PGM3: variants seen among roughly 807,000 people sequenced by gnomAD.
PGM3 encodes the protein phosphoacetylglucosamine mutase.
A neutral mutation model predicts 66.2 loss-of-function variants in PGM3; 40 were observed. The ratio of observed to expected loss-of-function variants is 0.60; its 90% CI spans 0.47 to 0.79. The LOEUF is 0.79. PGM3 is among the 30% of genes least tolerant of loss of function. The pLI is 0.00. For synonymous variants in PGM3, 191 were observed against 224.2 expected, an observed-to-expected ratio of 0.85 and a Z score of 1.32; for missense variants, 537 against 643.4, an observed-to-expected ratio of 0.83 and a Z score of 1.79.
chr6:83,160,648 G>A (rs889991116), downstream of PGM3, among the ~76,000 whole-genome samples: 2 of 152,038 alleles, frequency 1.3e-5, no homozygotes, highest in African/African-American at 4.8e-5. Flanking sequence ...AAAAGAATAG[G>A]GGAAAAGTTG....
chr6:83,190,884 T>A lies in PGM3; in HGVS notation c.129A>T (p.Gly43=). ...GTTTTGACCTCAGGACAGCTAATAA[T>A]CCCATGCGAAACATGACATGATCAA... ...EHLDHVMFRM[G]LLAVLRSKQT... Residue 43 remains glycine (G), a synonymous_variant, in exon 2 of 13, where the codon GGA becomes GGT. Transcript: ENST00000513973. 6.2e-7 allele frequency: 1 copy of A among 1,614,108 alleles called. No individual in the cohort carries two copies. The highest frequency in any genetic ancestry group is 2.2e-5 in the East Asian group (1 of 44,884).
intron 4 of PGM3, among the ~76,000 whole-genome samples, chr6:83,183,728 T>C (rs759859959): frequency 6.6e-6 from 1 of 151,976 alleles, no homozygotes; most frequent in Non-Finnish European, 1.5e-5. Context: ...AACTTTGTCA[T>C]GAATTTTTTT....
intron 9 of PGM3, among the ~76,000 whole-genome samples, 157 bp from the exon 10 acceptor site, chr6:83,174,644 A>T (rs1477505738): frequency 6.6e-6 from 1 of 152,232 alleles, no homozygotes; most frequent in Non-Finnish European, 1.5e-5. Flanking sequence ...TTAATGTAAG[A>T]TCACATTAAA....
At chr6:83,182,058 CA>C in intron 5 of PGM3, 127 bp from the exon 6 acceptor site, 1 of 533,334 alleles carries the variant, frequency 1.9e-6, no homozygotes, top group Admixed American at 3.8e-5. Flanking sequence ...TAAATTTTAT[CA>C]ATTATAATTG....
At chr6:83,163,790 C>A (rs1583205675), downstream of PGM3, among the ~76,000 whole-genome samples, 1 of 152,006 alleles carries the variant, frequency 6.6e-6, no homozygotes, top group East Asian at 1.9e-4. Context: ...GGCTTTATGA[C>A]TCTTTAATAT....
At chr6:83,176,113 T>C (rs763989073) in intron 8 of PGM3, 53 bp from the exon 9 acceptor site, 186 of 983,346 alleles carry the variant, frequency 1.9e-4, no homozygotes, top group Non-Finnish European at 2.8e-4. Flanking sequence ...GTCAAATGTT[T>C]CTTGCATACC....
the PGM3 span, among the ~76,000 whole-genome samples, chr6:83,153,020 A>G: frequency 3.3e-5 from 5 of 152,138 alleles, no homozygotes; most frequent in South Asian, 8.3e-4. Context: ...TTTATACCCT[A>G]TTATACACAT....
chr6:83,178,283 A>C lies in PGM3; in HGVS notation c.1029+390T>G, dbSNP rs879256008. ...AGTTACAAATTGGACGCAAACACCT[A>C]AGTTAAACTCTCCTGAGACTGGGAG... On this transcript the variant is annotated intron_variant, in intron 8 of 12. Transcript: ENST00000513973. 2.0e-4 allele frequency among the ~76,000 whole-genome samples: 31 copies of C among 152,134 alleles called. 1 individual carries two copies. Among genetic ancestry groups the C allele is most frequent in the Admixed American group, 2.6e-4 (4 of 15,270 alleles).
intron 11 of PGM3, chr6:83,171,476 A>T (rs1787112830): frequency 6.6e-6 from 1 of 152,198 alleles, no homozygotes; most frequent in South Asian, 2.1e-4. Flanking sequence ...AAGAGAATAC[A>T]ATTAGGTATC....
Position 83,166,308 on chromosome 6 carries a change from C to A in PGM3, c.*2926G>T. On this transcript the variant is annotated 3_prime_UTR_variant, in exon 13 of 13. Coordinates refer to ENST00000513973, the MANE Select transcript of PGM3 (RefSeq NM_015599.3). ...AGCTTCGATGATGTTCTCAATTGGT[C>A]ATTATCAATTTCCGATGACTGGCCA... 1 of 645,684 alleles carries A rather than the reference C, an allele frequency of 1.5e-6. No individual in the cohort carries two copies. The highest frequency in any genetic ancestry group is 1.8e-5 in the South Asian group (1 of 54,702). The allele number at this position is 645,684 out of a possible 1,614,324, so 40.0% of individuals were successfully genotyped here.
chr6:83,169,106 T>G lies in PGM3; in HGVS notation c.*128A>C, dbSNP rs1202868996. ...TCTGTTAGTGTTTAAGAAAAACAGA[T>G]CTAGAGACAATCCAGTAGGCTGCAT... On this transcript the variant is annotated 3_prime_UTR_variant, in exon 13 of 13. Coordinates refer to ENST00000513973, the MANE Select transcript of PGM3 (RefSeq NM_015599.3). The G allele has an allele frequency of 1.4e-6, 2 of 1,480,318 alleles. No homozygotes were observed. The highest frequency in any genetic ancestry group is 1.8e-6 in the Non-Finnish European group (2 of 1,118,386). The allele number at this position is 1,480,318 out of a possible 1,614,324, so 91.7% of individuals were successfully genotyped here.
At chr6:83,160,509 A>G (rs1243403461), downstream of PGM3, among the ~76,000 whole-genome samples, 1 of 152,244 alleles carries the variant, frequency 6.6e-6, no homozygotes, top group Non-Finnish European at 1.5e-5. Flanking sequence ...AGCTAAGGAA[A>G]GAAGTGATAT....
At chr6:83,171,893 C>T in intron 11 of PGM3, 44 bp downstream of exon 11, 1 of 1,469,446 alleles carries the variant, frequency 6.8e-7, no homozygotes, top group Non-Finnish European at 9.5e-7. Flanking sequence ...ATAGGTTTTA[C>T]TTAGCTAATA....
rs542392290 is a variant in PGM3 at position 83,183,075 on chromosome 6, C to T, written c.458-97G>A. 4.2e-4 allele frequency: 467 copies of T among 1,103,448 alleles called. 5 individuals carry two copies. In the South Asian group the frequency reaches 4.6e-3, roughly 11 times the overall value. The allele number at this position is 1,103,448 out of a possible 1,614,324, so 68.4% of individuals were successfully genotyped here. ...TGTAGGAATTTCAGGGTGACAAATC[C>T]TTTTGTGTCATCTCAGACATCTTAG... On this transcript the variant is annotated intron_variant, in intron 4 of 12. Transcript: ENST00000513973.
chr6:83,166,482 A>C lies in PGM3; in HGVS notation c.*2752T>G. The C allele has an allele frequency of 1.4e-6, 1 of 698,654 alleles. No homozygotes were observed. Among genetic ancestry groups the C allele is most frequent in the Non-Finnish European group, 2.6e-6 (1 of 384,056 alleles). 43.3% of individuals were successfully genotyped at this position (698,654 alleles called of 1,614,324 possible). ...GCTTTATAACCTATTTTGAACTCAG[A>C]AAATCGCTAAATTTGATTTTTGTCT... On this transcript the variant is annotated 3_prime_UTR_variant, in exon 13 of 13. Transcript: ENST00000513973.
At position 83,166,367 on chromosome 6, in the gene PGM3, T is replaced by C. The variant is rs1785591953; in HGVS notation, c.*2867A>G. Reference sequence around the variant, plus strand: ...CTCATCTTCAAGGCTCTAGTCTCCTTTGCAAAACTTCTTGAGCCATCACGG... The same window carrying C: ...CTCATCTTCAAGGCTCTAGTCTCCTCTGCAAAACTTCTTGAGCCATCACGG... On this transcript the variant is annotated 3_prime_UTR_variant, in exon 13 of 13. Coordinates refer to ENST00000513973, the MANE Select transcript of PGM3 (RefSeq NM_015599.3). The C allele has an allele frequency of 2.9e-6, 2 of 699,416 alleles. No individual in the cohort carries two copies. Among genetic ancestry groups the C allele is most frequent in the Admixed American group, 2.0e-5 (1 of 49,576 alleles). The allele number at this position is 699,416 out of a possible 1,614,324, so 43.3% of individuals were successfully genotyped here. A position where few individuals can be genotyped will look rare whatever the true frequency, so the allele number is the denominator to read the frequency against.
chr6:83,175,978 G>T lies in PGM3; in HGVS notation c.1112C>A (p.Ala371Glu). 6.2e-7 allele frequency: 1 copy of T among 1,606,300 alleles called. No homozygotes were observed. The highest frequency in any genetic ancestry group is 8.5e-7 in the Non-Finnish European group (1 of 1,173,004). Residue 371 changes from alanine (A) to glutamate (E), a missense_variant, in exon 9 of 13, where the codon GCA becomes GAA. Ala to Glu is a moderately radical substitution (Grantham distance 107, BLOSUM62 -1). Coordinates refer to ENST00000513973, the MANE Select transcript of PGM3 (RefSeq NM_015599.3). ...AGAACTTACAGTGCCATGCCCATTT[G>T]CTTCAAAATAAACTCCAATGTCAAA... is the stretch of plus-strand genomic sequence containing the variant. ...QEFDIGVYFE[A>E]NGHGTALFST... is the part of the protein sequence containing the mutation.
chr6:83,156,872 TATGGTCC>T (rs3215642), downstream of PGM3, among the ~76,000 whole-genome samples: 276 of 152,312 alleles, frequency 1.8e-3, 5 homozygotes, highest in East Asian at 0.045. Context: ...CTACTCAAAG[TATGGTCC>T]ATGGACCAGT....
intron 4 of PGM3, among the ~76,000 whole-genome samples, chr6:83,186,778 T>G (rs2128503976): frequency 6.9e-6 from 1 of 145,380 alleles, no homozygotes; most frequent in South Asian, 2.2e-4. Flanking sequence ...AGTTCAGAAT[T>G]TCCCAGCTAT....
Sources: allele counts gnomAD v4.1 joint callset (sites outside exome capture counted in the v4.1 genomes callset), GRCh38; gene constraint gnomAD v4.1.1; transcripts MANE v1.5; gene names NCBI Gene and HGNC (gene_info 2026-07-23, HGNC 2026-07-21).